The following OR51B5 variants were observed in gnomAD, a reference collection of about 807,000 sequenced individuals.
The protein encoded by OR51B5 is olfactory receptor family 51 subfamily B member 5, also known as olfactory receptor 51B5.
For missense variants in OR51B5, 456 were observed against 374.6 expected (o/e 1.22, Z -1.79); for synonymous variants, 186 against 144.8 (o/e 1.28, Z -2.04).
intron 1 of OR51B5, chr11:5,391,227 C>A (rs1849791109): frequency 6.6e-6 from 1 of 152,210 alleles, no homozygotes; most frequent in Non-Finnish European, 1.5e-5. Context: ...CTACGAGTGA[C>A]TAAATGCAAT....
chr11:5,464,856 C>T (rs556929364), intron 1 of OR51B5, among the ~76,000 whole-genome samples: 2,698 of 152,206 alleles, frequency 0.018, 87 homozygotes, highest in African/African-American at 0.061. Context: ...CCTGAGGAAT[C>T]ACCACACTGA....
intron 1 of OR51B5, among the ~76,000 whole-genome samples, chr11:5,477,639 A>G (rs1354598834): frequency 1.3e-5 from 2 of 152,064 alleles, no homozygotes; most frequent in Non-Finnish European, 2.9e-5. Context: ...CAGTCGGCGC[A>G]GGTCAGTGGG....
intron 1 of OR51B5, among the ~76,000 whole-genome samples, chr11:5,487,722 T>G (rs1214548112): frequency 6.6e-6 from 1 of 151,350 alleles, no homozygotes; most frequent in African/African-American, 2.4e-5. Flanking sequence ...ACTTTTTATA[T>G]CTGTCTCTAA....
At chr11:5,361,285 C>T (rs1044000301) in intron 1 of OR51B5, among the ~76,000 whole-genome samples, 12 of 152,124 alleles carry the variant, frequency 7.9e-5, no homozygotes, top group East Asian at 5.8e-4. Flanking sequence ...GAAACCTTAG[C>T]GACTCCTGTT....
intron 1 of OR51B5, chr11:5,389,586 C>T (rs756005265): frequency 4.3e-6 from 7 of 1,613,872 alleles, no homozygotes; most frequent in Non-Finnish European, 3.4e-6. Context: ...ATTATTAAGA[C>T]CAACCCTCGT....
chr11:5,505,491 T>C, intron 1 of OR51B5: 1 of 1,288,496 alleles, frequency 7.8e-7, no homozygotes, highest in Admixed American at 2.4e-5. Flanking sequence ...GAAGCTGTAT[T>C]TGTCCGTTTT....
chr11:5,431,965 G>A (rs900135158), intron 1 of OR51B5, among the ~76,000 whole-genome samples: 5 of 152,162 alleles, frequency 3.3e-5, no homozygotes, highest in African/African-American at 1.2e-4. Flanking sequence ...ATGTATAATC[G>A]TCAAGTCGAA....
chr11:5,415,180 G>A (rs1348104520), intron 1 of OR51B5, among the ~76,000 whole-genome samples: 1 of 151,866 alleles, frequency 6.6e-6, no homozygotes, highest in African/African-American at 2.4e-5. Context: ...TGACTACTGG[G>A]TACAAAACGA....
intron 1 of OR51B5, among the ~76,000 whole-genome samples, chr11:5,401,759 TTCTC>T (rs775810029): frequency 2.0e-5 from 3 of 152,126 alleles, no homozygotes; most frequent in East Asian, 3.9e-4. Flanking sequence ...AGGCAGTCAT[TTCTC>T]TCTAAGTTGA....
chr11:5,370,795 G>GA (rs1217734888), intron 1 of OR51B5, among the ~76,000 whole-genome samples: 1 of 152,040 alleles, frequency 6.6e-6, no homozygotes, highest in Non-Finnish European at 1.5e-5. Context: ...ATGAAAGAAA[G>GA]AAAAAATTTG....
At chr11:5,451,895 G>A (rs190175426) in intron 1 of OR51B5, among the ~76,000 whole-genome samples, 11 of 152,284 alleles carry the variant, frequency 7.2e-5, no homozygotes, top group Non-Finnish European at 1.5e-4. Flanking sequence ...CATCCACGAT[G>A]AGGCAATGAA....
At chr11:5,431,260 C>G (rs1471150211) in intron 1 of OR51B5, 4 of 323,112 alleles carry the variant, frequency 1.2e-5, no homozygotes, top group Non-Finnish European at 2.5e-5. Flanking sequence ...TAGTAGGACC[C>G]CTGACTCCAT....
intron 1 of OR51B5, among the ~76,000 whole-genome samples, chr11:5,492,940 CTCTT>C (rs1851600790): frequency 1.3e-5 from 2 of 152,116 alleles, no homozygotes; most frequent in Admixed American, 6.6e-5. Flanking sequence ...CAGCCAGACT[CTCTT>C]TGTTATTTGC....
chr11:5,392,543 C>G (rs887549343), intron 1 of OR51B5: 17 of 152,226 alleles, frequency 1.1e-4, no homozygotes, highest in African/African-American at 4.1e-4. Flanking sequence ...TTGAAAACTT[C>G]TACCTTACTC....
chr11:5,439,034 T>C (rs1038280828), intron 1 of OR51B5, among the ~76,000 whole-genome samples: 5 of 152,148 alleles, frequency 3.3e-5, no homozygotes, highest in South Asian at 2.1e-4. Context: ...TGAAGTTCCA[T>C]TGACAAATTT....
At chr11:5,422,236 C>A in intron 1 of OR51B5, 2 of 1,613,290 alleles carry the variant, frequency 1.2e-6, no homozygotes, top group South Asian at 2.2e-5. Context: ...AAGAAGGCAT[C>A]TACTTCATCC....
intron 1 of OR51B5, chr11:5,505,377 C>T (rs764694188): frequency 2.1e-4 from 275 of 1,303,940 alleles, no homozygotes; most frequent in Non-Finnish European, 2.7e-4. Flanking sequence ...AATGGAGAGG[C>T]AAGACTTTCC....
chr11:5,402,545 G>A (rs7481498), intron 1 of OR51B5: 211,946 of 418,640 alleles, frequency 0.51, 55,066 homozygotes, highest in African/African-American at 0.67. Context: ...CATCTCACTA[G>A]TTTGTTTCTA....
At chr11:5,398,367 C>A (rs1849913849) in intron 1 of OR51B5, among the ~76,000 whole-genome samples, 1 of 152,136 alleles carries the variant, frequency 6.6e-6, no homozygotes, top group South Asian at 2.1e-4. Flanking sequence ...TGGGTAATTG[C>A]TCCTCAGGGA....
Sources: allele counts gnomAD v4.1 joint callset (sites outside exome capture counted in the v4.1 genomes callset), GRCh38; gene constraint gnomAD v4.1.1; transcripts MANE v1.5; gene names NCBI Gene and HGNC (gene_info 2026-07-23, HGNC 2026-07-21).